Variants in NF1 observed in about 807,000 individuals in gnomAD.
NF1 encodes neurofibromin 1.
A neutral mutation model predicts 325.7 loss-of-function variants in NF1; 122 were observed. The observed-to-expected ratio is 0.37, with a 90% CI of 0.32 to 0.44. The LOEUF (loss-of-function observed/expected upper bound fraction) is 0.44, where lower values mean the gene tolerates loss of function less well. Ranked by LOEUF, NF1 falls within the 20% of genes least tolerant of loss-of-function variation. NF1 has a pLI of 1.00. For synonymous variants in NF1, 1,091 were observed against 1,186.0 expected (o/e 0.92, Z 1.65); for missense variants, 2,140 against 3,415.4 (o/e 0.63, Z 9.31).
At chr17:31,181,143 A>G (rs1311269207) in intron 5 of NF1, among the ~76,000 whole-genome samples, 2 of 152,234 alleles carry the variant, frequency 1.3e-5, no homozygotes, top group Admixed American at 6.5e-5. Flanking sequence ...GGAGGAACCA[A>G]TATCCTGTAT....
intron 36 of NF1, among the ~76,000 whole-genome samples, chr17:31,270,686 AC>A (rs2067877006): frequency 6.6e-6 from 1 of 152,178 alleles, no homozygotes; most frequent in African/African-American, 2.4e-5. Context: ...ATATTGTGAT[AC>A]CTGGCAATTG....
intron 49 of NF1, among the ~76,000 whole-genome samples, chr17:31,349,774 C>G (rs1246213185): frequency 6.6e-6 from 1 of 152,146 alleles, no homozygotes; most frequent in Non-Finnish European, 1.5e-5. Context: ...ATTTTTGTTT[C>G]TCTACTCAGC....
rs1555614212 is a variant in NF1 at position 31,229,127 on chromosome 17, A to G, written c.2512A>G (p.Ile838Val). The change falls in exon 21 of 58, where the codon ATC becomes GTC. Residue 838 changes from isoleucine to valine, a missense_variant. Transcript: ENST00000358273. ...TGACACAGACTCCCTACAGGAATGG[A>G]TCAACATGACTGGCTTCCTTTGTGC... ...LSDTDSLQEWINMTGFLCALG... is the reference protein window; with the variant it reads ...LSDTDSLQEWVNMTGFLCALG... 1 of 1,611,904 alleles carries G rather than the reference A, an allele frequency of 6.2e-7. No individual in the cohort carries two copies.
intron 36 of NF1, chr17:31,272,030 T>G (rs2067909398): frequency 1.3e-5 from 2 of 152,196 alleles, no homozygotes; most frequent in Non-Finnish European, 2.9e-5. Flanking sequence ...TGTTTCAGCA[T>G]TTAATAAGGT....
intron 37 of NF1, 64 bp from the exon 38 acceptor site, chr17:31,327,435 T>A: frequency 7.5e-7 from 1 of 1,335,398 alleles, no homozygotes; most frequent in Non-Finnish European, 1.1e-6. Context: ...TCTGGAGCCT[T>A]TTAGAATTTT....
intron 1 of NF1, among the ~76,000 whole-genome samples, chr17:31,117,795 GTATT>G (rs1290664347): frequency 1.3e-5 from 2 of 149,734 alleles, no homozygotes; most frequent in East Asian, 4.0e-4. Flanking sequence ...TTGAAGAGAA[GTATT>G]TGTCATGTGA....
rs2151550981 is a variant in NF1 at position 31,335,095 on chromosome 17, A to G, written c.6006+64A>G. On this transcript the variant is annotated intron_variant, in intron 40 of 57. Transcript: ENST00000358273. ...TGTGCACATATTTATCTGGTGCCAC[A>G]TTGGGCAAAGCACTGCGCTAGACAC... 3 of 1,411,388 alleles carry G rather than the reference A, an allele frequency of 2.1e-6. No individual in the cohort carries two copies. The South Asian group carries it at 3.5e-5, about 16-fold the overall frequency. 87.4% of individuals were successfully genotyped at this position (1,411,388 alleles called of 1,614,324 possible).
chr17:31,117,104 T>C (rs1913986588), intron 1 of NF1, among the ~76,000 whole-genome samples: 1 of 151,762 alleles, frequency 6.6e-6, no homozygotes, highest in South Asian at 2.1e-4. Flanking sequence ...GCCTCAGCCT[T>C]TGGAGTAGCT....
chr17:31,230,806 T>C, intron 23 of NF1, 36 bp from the exon 24 acceptor site: 2 of 1,482,042 alleles, frequency 1.3e-6, no homozygotes, highest in Non-Finnish European at 1.9e-6. Flanking sequence ...TTCAAAAACA[T>C]TGTTTGCTGT....
At chr17:31,255,219 G>A (rs186043152) in intron 31 of NF1, among the ~76,000 whole-genome samples, 6 of 152,104 alleles carry the variant, frequency 3.9e-5, no homozygotes, top group East Asian at 3.9e-4. Flanking sequence ...ACATGCATTC[G>A]CGTTATGTAG....
At chr17:31,268,928 ACTC>A (rs1337014378) in intron 36 of NF1, among the ~76,000 whole-genome samples, 1 of 149,946 alleles carries the variant, frequency 6.7e-6, no homozygotes, top group Non-Finnish European at 1.5e-5. Context: ...CTGGGCTTGA[ACTC>A]CTGGGCTCAA....
chr17:31,290,468 G>A (rs1337229250), intron 36 of NF1, among the ~76,000 whole-genome samples: 2 of 152,084 alleles, frequency 1.3e-5, no homozygotes, highest in Non-Finnish European at 2.9e-5. Flanking sequence ...GCTAGGCACT[G>A]TTCTAAACAC....
At chr17:31,172,351 GTC>G (rs968759244) in intron 5 of NF1, among the ~76,000 whole-genome samples, 29 of 39,248 alleles carry the variant, frequency 7.4e-4, no homozygotes, top group Non-Finnish European at 2.0e-3. Context: ...CTGTCTCTCT[GTC>G]TCTCTCTCTC....
At chr17:31,102,812 T>C (rs1912470347) in intron 1 of NF1, among the ~76,000 whole-genome samples, 1 of 152,028 alleles carries the variant, frequency 6.6e-6, no homozygotes, top group Admixed American at 6.6e-5. Flanking sequence ...TACCTTACTT[T>C]AGTATCCATT....
chr17:31,339,143 C>T (rs1173527828), intron 46 of NF1, among the ~76,000 whole-genome samples: 4 of 152,018 alleles, frequency 2.6e-5, no homozygotes, highest in Non-Finnish European at 4.4e-5. Context: ...CTAACAAAGC[C>T]CATAAAACTC....
chr17:31,204,848 A>G (rs868102573), intron 11 of NF1, among the ~76,000 whole-genome samples: 1 of 152,134 alleles, frequency 6.6e-6, no homozygotes. Flanking sequence ...CACAAGCTGT[A>G]TAATTTAGTA....
intron 54 of NF1, chr17:31,357,615 T>C: frequency 1.9e-6 from 1 of 538,380 alleles, no homozygotes; most frequent in East Asian, 3.3e-5. Flanking sequence ...TTGATGATCA[T>C]TGCTCATTTT....
intron 36 of NF1, among the ~76,000 whole-genome samples, chr17:31,300,816 G>A (rs1446350293): frequency 6.6e-6 from 1 of 151,984 alleles, no homozygotes; most frequent in Admixed American, 6.5e-5. Flanking sequence ...ATACTTTGTT[G>A]TTGAACTTTG....
At chr17:31,239,861 C>T (rs1207024113) in intron 29 of NF1, among the ~76,000 whole-genome samples, 1 of 152,174 alleles carries the variant, frequency 6.6e-6, no homozygotes, top group Non-Finnish European at 1.5e-5. Context: ...CTCCCATGTT[C>T]AAGCAATTCT....
Sources: allele counts gnomAD v4.1 joint callset (sites outside exome capture counted in the v4.1 genomes callset), GRCh38; gene constraint gnomAD v4.1.1; transcripts MANE v1.5; gene names NCBI Gene and HGNC (gene_info 2026-07-23, HGNC 2026-07-21).